Variants in TMEM132D observed in about 807,000 individuals in gnomAD.
The protein encoded by TMEM132D is transmembrane protein 132D, also known as mature OL transmembrane protein.
A neutral mutation model predicts 62.3 loss-of-function variants in TMEM132D; 21 were observed. That is an observed-to-expected ratio of 0.34 (90% confidence interval 0.24 to 0.49). The LOEUF is 0.49. Ranked by LOEUF, TMEM132D falls within the 20% of genes least tolerant of loss-of-function variation. TMEM132D has a pLI of 0.99. For synonymous variants in TMEM132D, 621 were observed against 575.6 expected (o/e 1.08, Z -1.13); for missense variants, 1,346 against 1,402.8 (o/e 0.96, Z 0.65).
chr12:129,419,146 C>T (rs1167709116), intron 3 of TMEM132D, among the ~76,000 whole-genome samples: 1 of 151,800 alleles, frequency 6.6e-6, no homozygotes, highest in Non-Finnish European at 1.5e-5. Flanking sequence ...GTGGAGAAAA[C>T]TAATACACCC....
rs138590826 is a variant in TMEM132D, at chr12:129,434,427, T to C, written c.1116-96610A>G. 2.6e-5 allele frequency among the ~76,000 whole-genome samples: 4 copies of C among 152,184 alleles called. No individual in the cohort carries two copies. The East Asian group carries it at 7.7e-4, about 29-fold the overall frequency. On this transcript the variant is annotated intron_variant, in intron 3 of 8. Coordinates refer to ENST00000422113, the MANE Select transcript of TMEM132D (RefSeq NM_133448.3). ...CAGTTTCTTCATTTGTATTTGAGAG[T>C]GCCAATAGTGATACCCTCCTCATAC...
intron 3 of TMEM132D, among the ~76,000 whole-genome samples, chr12:129,481,657 A>G (rs1874432369): frequency 6.6e-6 from 1 of 152,228 alleles, no homozygotes; most frequent in Admixed American, 6.5e-5. Flanking sequence ...TTAGAAAAAA[A>G]TAACATTTGC....
rs2137226480 is a variant in TMEM132D at position 129,700,221 on chromosome 12, T to C, written c.557A>G (p.Gln186Arg). 1 of 1,612,872 alleles carries C rather than the reference T, an allele frequency of 6.2e-7. No homozygotes were observed. The highest frequency in any genetic ancestry group is 8.5e-7 in the Non-Finnish European group (1 of 1,179,920). Residue 186 changes from glutamine (Q) to arginine (R), a missense_variant, in exon 2 of 9, where the codon CAG (glutamine) becomes CGG (arginine). Transcript: ENST00000422113. Reference sequence around the variant, plus strand: ...GGCCACGCACAGCCCCAGGTCCCCCTGCAGCCGGCAGCTGCCCCGCACCTC... The same window carrying C: ...GGCCACGCACAGCCCCAGGTCCCCCCGCAGCCGGCAGCTGCCCCGCACCTC... ...TREVRGSCRL[Q>R]GDLGLCVAEL...
At chr12:129,902,720 A>G (rs1875400297) in intron 1 of TMEM132D, among the ~76,000 whole-genome samples, 1 of 152,142 alleles carries the variant, frequency 6.6e-6, no homozygotes, top group African/African-American at 2.4e-5. Flanking sequence ...AGACCTGGAG[A>G]AACCCATCCC....
intron 1 of TMEM132D, among the ~76,000 whole-genome samples, chr12:129,755,873 C>A (rs1870152657): frequency 6.6e-6 from 1 of 152,170 alleles, no homozygotes; most frequent in African/African-American, 2.4e-5. Flanking sequence ...ACATTCTGGT[C>A]ATGCCCACCC....
At chr12:129,613,619 G>A (rs962732741) in intron 2 of TMEM132D, among the ~76,000 whole-genome samples, 4 of 152,264 alleles carry the variant, frequency 2.6e-5, no homozygotes, top group Admixed American at 2.0e-4. Context: ...TGGCTAGTGG[G>A]TGTGCCATCG....
intron 1 of TMEM132D, among the ~76,000 whole-genome samples, chr12:129,826,527 C>G (rs1872668406): frequency 6.6e-6 from 1 of 152,132 alleles, no homozygotes; most frequent in South Asian, 2.1e-4. Context: ...TCCTGGGACA[C>G]AAGAGTCTTT....
intron 3 of TMEM132D, among the ~76,000 whole-genome samples, chr12:129,426,065 C>T (rs890108469): frequency 1.3e-5 from 2 of 152,174 alleles, no homozygotes; most frequent in Non-Finnish European, 2.9e-5. Flanking sequence ...CACTGAAGAT[C>T]GCTATTTGTA....
intron 4 of TMEM132D, among the ~76,000 whole-genome samples, chr12:129,318,652 A>G (rs1868569024): frequency 1.3e-5 from 2 of 152,110 alleles, no homozygotes; most frequent in African/African-American, 4.8e-5. Flanking sequence ...GAGAGGGACC[A>G]GCAGTGGGCG....
At chr12:129,834,924 A>T (rs1197453527) in intron 1 of TMEM132D, among the ~76,000 whole-genome samples, 1 of 152,178 alleles carries the variant, frequency 6.6e-6, no homozygotes, top group Non-Finnish European at 1.5e-5. Context: ...GATACTATGG[A>T]GAATTGAACA....
chr12:129,139,546 T>C (rs1322279327), intron 5 of TMEM132D, among the ~76,000 whole-genome samples: 11 of 152,122 alleles, frequency 7.2e-5, no homozygotes, highest in Admixed American at 5.9e-4. Context: ...TGGCCACTAA[T>C]AGAAAACACC....
At chr12:129,825,015 T>TA (rs1872625287) in intron 1 of TMEM132D, among the ~76,000 whole-genome samples, 2 of 133,882 alleles carry the variant, frequency 1.5e-5, no homozygotes, top group Non-Finnish European at 3.1e-5. Flanking sequence ...GGCAGTCTTT[T>TA]TTTTTTTTTT....
chr12:129,753,528 G>A (rs1870068031), intron 1 of TMEM132D, among the ~76,000 whole-genome samples: 2 of 152,114 alleles, frequency 1.3e-5, no homozygotes, highest in Admixed American at 1.3e-4. Flanking sequence ...ACAAATCAGT[G>A]AGCACACTTA....
chr12:129,637,079 C>T (rs926092507), intron 2 of TMEM132D, among the ~76,000 whole-genome samples: 4 of 152,144 alleles, frequency 2.6e-5, no homozygotes, highest in Admixed American at 1.3e-4. Context: ...AGATGACTCA[C>T]GTGTCGACAG....
intron 4 of TMEM132D, among the ~76,000 whole-genome samples, chr12:129,255,304 G>T (rs944776941): frequency 4.6e-5 from 7 of 152,114 alleles, no homozygotes; most frequent in African/African-American, 1.7e-4. Flanking sequence ...AATACATCAG[G>T]ACTGTTTTTG....
chr12:129,745,013 T>C (rs1195672974), intron 1 of TMEM132D, among the ~76,000 whole-genome samples: 2 of 152,116 alleles, frequency 1.3e-5, no homozygotes, highest in Admixed American at 6.6e-5. Context: ...GATGGTTTTA[T>C]TGAGTGTTTG....
At chr12:129,682,858 C>CT (rs1294506431) in intron 2 of TMEM132D, 3 of 44,414 alleles carry the variant, frequency 6.8e-5, no homozygotes, top group Admixed American at 3.5e-4. Flanking sequence ...GACTCCATCT[C>CT]TAAAAAAAAA....
At chr12:129,589,793 T>A (rs1372761192) in intron 2 of TMEM132D, among the ~76,000 whole-genome samples, 1 of 152,198 alleles carries the variant, frequency 6.6e-6, no homozygotes, top group Non-Finnish European at 1.5e-5. Context: ...ACATTTATTC[T>A]GTTCTTACCA....
In TMEM132D at chr12:129,737,504, C is replaced by A. The variant is rs191788702; in HGVS notation, c.80-36806G>T. On this transcript the variant is annotated intron_variant, in intron 1 of 8. Coordinates refer to ENST00000422113, the MANE Select transcript of TMEM132D (RefSeq NM_133448.3). ...CACTGCTGTATAAATTGGCTAGACA[C>A]AAATCCTAGCCCCACCTAGAAAGGG... Among the ~76,000 whole-genome samples, 17 of 152,306 alleles carry A rather than the reference C, an allele frequency of 1.1e-4. No individual in the cohort carries two copies. The East Asian group carries it at 2.1e-3, about 19-fold the overall frequency.
Sources: gnomAD v4.1 joint callset for allele counts (sites outside exome capture counted in the v4.1 genomes callset) on GRCh38, gnomAD v4.1.1 for gene constraint, MANE v1.5 for transcripts, NCBI Gene and HGNC (gene_info 2026-07-23, HGNC 2026-07-21) for gene names.